ULK4: variants seen among roughly 807,000 people sequenced by gnomAD.
ULK4 encodes the protein unc-51 like kinase 4.
A neutral mutation model predicts 160.6 loss-of-function variants in ULK4; 133 were observed. The observed-to-expected ratio is 0.83, with a 90% CI of 0.72 to 0.96. ULK4 has a LOEUF of 0.96. ULK4 is among the 40% of genes least tolerant of loss of function. ULK4 has a pLI of 0.00. For missense variants in ULK4, 1,580 were observed against 1,499.5 expected, an observed-to-expected ratio of 1.05 and a Z score of -0.89; for synonymous variants, 534 against 539.8, an observed-to-expected ratio of 0.99 and a Z score of 0.15.
chr3:41,716,748 C>G (rs2037280919), intron 23 of ULK4, among the ~76,000 whole-genome samples: 1 of 152,186 alleles, frequency 6.6e-6, no homozygotes, highest in African/African-American at 2.4e-5. Context: ...ATTTAAGCTA[C>G]ACATACATGC....
At chr3:41,690,883 T>C (rs750067227) in intron 27 of ULK4, among the ~76,000 whole-genome samples, 16 of 151,986 alleles carry the variant, frequency 1.1e-4, no homozygotes, top group Non-Finnish European at 1.9e-4. Flanking sequence ...CATAATGTTA[T>C]AGCAGGTAGT....
intron 32 of ULK4, among the ~76,000 whole-genome samples, chr3:41,518,831 A>G (rs1326077858): frequency 1.3e-5 from 2 of 152,332 alleles, no homozygotes; most frequent in East Asian, 3.9e-4. Flanking sequence ...AGCAGCCTAG[A>G]CATAAGGGAA....
chr3:41,898,635 AT>A, intron 13 of ULK4, 143 bp from the exon 14 acceptor site: 1 of 548,324 alleles, frequency 1.8e-6, no homozygotes, highest in Non-Finnish European at 3.3e-6. Flanking sequence ...AATAAGAACA[AT>A]GACTTTTCGG....
chr3:41,438,058 A>C (rs1313761264), intron 34 of ULK4, among the ~76,000 whole-genome samples: 1 of 151,764 alleles, frequency 6.6e-6, no homozygotes, highest in Non-Finnish European at 1.5e-5. Context: ...TATTTTCCAA[A>C]CGAAAATAAC....
At chr3:41,605,876 T>C (rs1027594514) in intron 31 of ULK4, among the ~76,000 whole-genome samples, 3 of 151,976 alleles carry the variant, frequency 2.0e-5, no homozygotes, top group Non-Finnish European at 4.4e-5. Context: ...TCTGAAGAAA[T>C]TGTATAAGAT....
At chr3:41,721,097 T>C (rs1381484498) in intron 22 of ULK4, among the ~76,000 whole-genome samples, 1 of 151,362 alleles carries the variant, frequency 6.6e-6, no homozygotes, top group Non-Finnish European at 1.5e-5. Flanking sequence ...AAGTTCAAAA[T>C]AGGGAACTTT....
chr3:41,390,664 T>C (rs949798429), intron 35 of ULK4, among the ~76,000 whole-genome samples: 2 of 151,846 alleles, frequency 1.3e-5, no homozygotes, highest in African/African-American at 2.4e-5. Flanking sequence ...AGTTTCCATG[T>C]AGTTGAGCGG....
At chr3:41,775,319 A>G in intron 21 of ULK4, among the ~76,000 whole-genome samples, 1 of 150,806 alleles carries the variant, frequency 6.6e-6, no homozygotes, top group East Asian at 1.9e-4. Flanking sequence ...CCATTCAGTA[A>G]ACAAAATTTA....
At chr3:41,534,886 A>G (rs375142037) in intron 32 of ULK4, among the ~76,000 whole-genome samples, 15 of 152,288 alleles carry the variant, frequency 9.8e-5, no homozygotes, top group Middle Eastern at 3.4e-3. Flanking sequence ...GTTTATTATA[A>G]TTTTTAGATT....
intron 13 of ULK4, among the ~76,000 whole-genome samples, 164 bp from the exon 14 acceptor site, chr3:41,898,656 C>T (rs1407543264): frequency 2.0e-5 from 3 of 152,162 alleles, no homozygotes; most frequent in Non-Finnish European, 4.4e-5. Flanking sequence ...GATTAAAACA[C>T]ACAAATATAG....
chr3:41,279,522 G>A (rs2079307868), intron 35 of ULK4, among the ~76,000 whole-genome samples: 1 of 151,880 alleles, frequency 6.6e-6, no homozygotes, highest in African/African-American at 2.4e-5. Context: ...ATGCACCAAG[G>A]TTGAAATGAA....
chr3:41,430,830 A>C (rs915208488), intron 34 of ULK4, among the ~76,000 whole-genome samples: 1 of 152,150 alleles, frequency 6.6e-6, no homozygotes, highest in African/African-American at 2.4e-5. Context: ...TATCCACATT[A>C]TTAAATATCC....
intron 21 of ULK4, 37 bp from the exon 22 acceptor site, chr3:41,754,525 TA>T: frequency 1.3e-6 from 2 of 1,593,176 alleles, no homozygotes; most frequent in Middle Eastern, 2.0e-4. Context: ...TGAGAGAACA[TA>T]AAAAAATAGG....
At chr3:41,663,814 C>A (rs1490198072) in intron 29 of ULK4, 115 bp from the exon 30 acceptor site, 1 of 827,074 alleles carries the variant, frequency 1.2e-6, no homozygotes, top group Non-Finnish European at 1.9e-6. Flanking sequence ...ATTTTACACA[C>A]TAATAAAGAT....
intron 30 of ULK4, among the ~76,000 whole-genome samples, chr3:41,627,114 T>A (rs1305229929): frequency 9.2e-5 from 14 of 152,200 alleles, no homozygotes. Context: ...TTAAAACTTT[T>A]GCCTCAAGGC....
At chr3:41,588,806 T>A (rs2031031601) in intron 31 of ULK4, among the ~76,000 whole-genome samples, 1 of 152,166 alleles carries the variant, frequency 6.6e-6, no homozygotes, top group Non-Finnish European at 1.5e-5. Context: ...GGTATGACAG[T>A]CATATATTTT....
At chr3:41,502,843 T>C (rs964323071) in intron 32 of ULK4, among the ~76,000 whole-genome samples, 1 of 152,200 alleles carries the variant, frequency 6.6e-6, no homozygotes, top group African/African-American at 2.4e-5. Context: ...ATAAAAATGT[T>C]TCATATCTTG....
chr3:41,671,667 A>G (rs2035542122), intron 29 of ULK4, among the ~76,000 whole-genome samples: 1 of 152,134 alleles, frequency 6.6e-6, no homozygotes, highest in South Asian at 2.1e-4. Context: ...CTAGGGAGAG[A>G]TTTTATAGCT....
intron 33 of ULK4, among the ~76,000 whole-genome samples, chr3:41,456,219 T>C (rs1380268153): frequency 6.6e-6 from 1 of 152,138 alleles, no homozygotes; most frequent in Non-Finnish European, 1.5e-5. Context: ...CAAAAGTGCT[T>C]TATCTTAACC....
Sources: gnomAD v4.1 joint callset for allele counts (sites outside exome capture counted in the v4.1 genomes callset) on GRCh38, gnomAD v4.1.1 for gene constraint, MANE v1.5 for transcripts, NCBI Gene and HGNC (gene_info 2026-07-23, HGNC 2026-07-21) for gene names.